CARS2: variants seen among roughly 807,000 people sequenced by gnomAD.
CARS2 encodes cysteinyl-tRNA synthetase 2, mitochondrial.
A neutral mutation model predicts 68.8 loss-of-function variants in CARS2; 52 were observed. That is an observed-to-expected ratio of 0.76 (90% CI 0.61 to 0.95). The LOEUF (loss-of-function observed/expected upper bound fraction) is 0.95, where lower values mean the gene tolerates loss of function less well. Among genes scored for constraint, CARS2 ranks in the 40% least tolerant of loss-of-function variants. The pLI is 0.00. For synonymous variants in CARS2, 314 were observed against 303.6 expected (o/e 1.03, Z -0.36); for missense variants, 780 against 754.2 (o/e 1.03, Z -0.40).
chr13:110,678,637 C>T (rs552554495), intron 6 of CARS2, among the ~76,000 whole-genome samples: 14 of 152,218 alleles, frequency 9.2e-5, no homozygotes, highest in East Asian at 3.9e-4. Flanking sequence ...CACCTTATGC[C>T]GAAGGAAAAT....
chr13:110,709,736 T>C (rs2064011358), upstream of CARS2, among the ~76,000 whole-genome samples: 1 of 151,884 alleles, frequency 6.6e-6, no homozygotes, highest in African/African-American at 2.4e-5. Context: ...TGTATATACA[T>C]TATATATATC....
intron 3 of CARS2, among the ~76,000 whole-genome samples, chr13:110,699,587 A>G (rs1490282509): frequency 6.6e-6 from 1 of 152,226 alleles, no homozygotes; most frequent in African/African-American, 2.4e-5. Flanking sequence ...CTAACACACA[A>G]ATGAATAGAC....
intron 9 of CARS2, among the ~76,000 whole-genome samples, chr13:110,661,008 C>A (rs2062489325): frequency 6.6e-6 from 1 of 152,196 alleles, no homozygotes; most frequent in Non-Finnish European, 1.5e-5. Context: ...GATCTGCCCA[C>A]CTGGGCCTCC....
intron 3 of CARS2, among the ~76,000 whole-genome samples, chr13:110,692,375 G>A (rs2063496519): frequency 6.6e-6 from 1 of 151,742 alleles, no homozygotes; most frequent in Admixed American, 6.6e-5. Context: ...GGAGGCTGAG[G>A]CAGGAGAATC....
At chr13:110,664,648 A>T in intron 8 of CARS2, 2 of 982,596 alleles carry the variant, frequency 2.0e-6, no homozygotes, top group Non-Finnish European at 2.4e-6. Flanking sequence ...TTTAAAATTG[A>T]TGATAGTTGG....
At chr13:110,683,413 T>C (rs770784838) in intron 5 of CARS2, among the ~76,000 whole-genome samples, 24 of 152,180 alleles carry the variant, frequency 1.6e-4, no homozygotes, top group Non-Finnish European at 2.9e-4. Context: ...AGTGACACCA[T>C]GCCTGGCTTA....
Position 110,705,858 on chromosome 13 carries a change from C to T in CARS2, c.224+12G>A, listed in dbSNP as rs1375692345. Reference sequence around the variant, plus strand: ...TCGGCCCCCGCCCGTGCCCCAGTCCCGCGCGGCCCACCAGGAGGCGGCTTC... The same window carrying T: ...TCGGCCCCCGCCCGTGCCCCAGTCCTGCGCGGCCCACCAGGAGGCGGCTTC... On this transcript the variant is annotated intron_variant, in intron 1 of 14. Coordinates refer to ENST00000257347, the MANE Select transcript of CARS2 (RefSeq NM_024537.4). The surrounding 1 kb of genome is among the most constrained non-coding windows in gnomAD (Gnocchi z 4.0). 7.1e-6 allele frequency: 11 copies of T among 1,549,426 alleles called. No homozygotes were observed. Among genetic ancestry groups the T allele is most frequent in the East Asian group, 2.4e-5 (1 of 41,482 alleles).
At chr13:110,712,817 TG>T in intron 1 of CARS2, 1 of 846,974 alleles carries the variant, frequency 1.2e-6, no homozygotes, top group South Asian at 1.4e-5. Context: ...CCACCTCTTC[TG>T]GGGCTCGGCA....
rs425042 is a variant in CARS2, at chr13:110,650,766, G to A, written c.1054+268C>T. 0.087 allele frequency: 34,864 copies of A among 399,596 alleles called. 2,432 individuals are homozygous for A. Among genetic ancestry groups the A allele is most frequent in the African/African-American group, 0.22 (10,515 of 47,734 alleles). The allele number at this position is 399,596 out of a possible 1,614,324, so 24.8% of individuals were successfully genotyped here. A position where few individuals can be genotyped will look rare whatever the true frequency, so the allele number is the denominator to read the frequency against. On this transcript the variant is annotated intron_variant, in intron 10 of 14. Coordinates refer to ENST00000257347, the MANE Select transcript of CARS2 (RefSeq NM_024537.4). ...CACAGCAGGAAGCCGAGGTGCTGCGGGTTCACGACTTGTCCAGACCCAGAG... is the reference window on the plus strand; with the variant it reads ...CACAGCAGGAAGCCGAGGTGCTGCGAGTTCACGACTTGTCCAGACCCAGAG...
At chr13:110,691,825 C>T (rs900231707) in intron 3 of CARS2, among the ~76,000 whole-genome samples, 3 of 151,560 alleles carry the variant, frequency 2.0e-5, no homozygotes, top group Non-Finnish European at 4.4e-5. Context: ...TGCTTGGACA[C>T]CAGAGGGTTA....
At chr13:110,664,757 G>T in intron 8 of CARS2, 3 of 565,054 alleles carry the variant, frequency 5.3e-6, no homozygotes, top group Non-Finnish European at 6.7e-6. Flanking sequence ...GGCAGGGCCT[G>T]TGGGAGGTGA....
intron 9 of CARS2, among the ~76,000 whole-genome samples, chr13:110,659,903 T>G (rs2062459878): frequency 6.6e-6 from 1 of 152,228 alleles, no homozygotes; most frequent in Non-Finnish European, 1.5e-5. Flanking sequence ...TGCCATCAAT[T>G]GACTCTTCCT....
chr13:110,712,886 C>T, intron 1 of CARS2: 1 of 1,422,412 alleles, frequency 7.0e-7, no homozygotes, highest in Non-Finnish European at 9.7e-7. Flanking sequence ...AAACTGAGTA[C>T]CGGGAGACGA....
At chr13:110,646,128 C>G (rs1231634179) in intron 11 of CARS2, 38 bp from the exon 12 acceptor site, 1 of 1,594,582 alleles carries the variant, frequency 6.3e-7, no homozygotes, top group African/African-American at 1.3e-5. Flanking sequence ...GCAGAGGGAG[C>G]TCCACTCTCC....
chr13:110,681,028 G>A (rs748912761), intron 6 of CARS2, among the ~76,000 whole-genome samples: 16 of 152,196 alleles, frequency 1.1e-4, no homozygotes, highest in Non-Finnish European at 2.4e-4. Context: ...GGGGGTGACC[G>A]CAGGGTCTCC....
intron 3 of CARS2, among the ~76,000 whole-genome samples, chr13:110,695,911 A>C (rs1451316783): frequency 3.3e-5 from 5 of 152,040 alleles, no homozygotes; most frequent in Non-Finnish European, 7.3e-5. Context: ...ATTTCTCCTA[A>C]TACTATCCCT....
intron 6 of CARS2, among the ~76,000 whole-genome samples, chr13:110,679,597 A>AAGAAAGAAAGAAAG (rs1312030282): frequency 6.9e-5 from 3 of 43,618 alleles, no homozygotes; most frequent in Non-Finnish European, 6.3e-5. Flanking sequence ...GAAAGAAAGA[A>AAGAAAGAAAGAAAG]AGAGAGAGAG....
upstream of CARS2, chr13:110,706,629 A>G (rs1177085107): frequency 7.3e-6 from 1 of 136,604 alleles, no homozygotes; most frequent in Admixed American, 7.5e-5. Flanking sequence ...CCCCAAACAC[A>G]CATCTGCGCC....
rs752453038 is a variant in CARS2, at chr13:110,644,410, A to G, written c.1391T>C (p.Val464Ala). ...CTGTTGATTTGCCAGAGAAATTCCA[A>G]CAGTTTCAAAAAACTGTTCAAAGTA... is the stretch of plus-strand genomic sequence containing the variant. Reference protein sequence around the residue: ...ISYFEQFFETVGISLANQQYV... With the variant: ...ISYFEQFFETAGISLANQQYV... Residue 464 changes from valine (V) to alanine (A), a missense_variant, in exon 13 of 15, where the codon GTT (valine) becomes GCT (alanine). By Grantham distance (64) the Val-to-Ala change is moderately conservative. Coordinates refer to ENST00000257347, the MANE Select transcript of CARS2 (RefSeq NM_024537.4). The G allele has an allele frequency of 1.2e-6, 2 of 1,614,106 alleles. No individual in the cohort carries two copies. Among genetic ancestry groups the G allele is most frequent in the East Asian group, 2.2e-5 (1 of 44,886 alleles).
Sources: allele counts gnomAD v4.1 joint callset (sites outside exome capture counted in the v4.1 genomes callset), GRCh38; gene constraint gnomAD v4.1.1; non-coding constraint Gnocchi (gnomAD v3.1); transcripts MANE v1.5; gene names NCBI Gene and HGNC (gene_info 2026-07-23, HGNC 2026-07-21).